CKAP5: variants seen among roughly 807,000 people sequenced by gnomAD.
The protein encoded by CKAP5 is cytoskeleton-associated protein 5.
A neutral mutation model predicts 232.8 loss-of-function variants in CKAP5; 27 were observed. The ratio of observed to expected loss-of-function variants is 0.12; its 90% CI spans 0.09 to 0.16. The LOEUF (loss-of-function observed/expected upper bound fraction) is 0.16, where lower values mean the gene tolerates loss of function less well. CKAP5 is among the 10% of genes least tolerant of loss of function. The pLI, the probability that CKAP5 is intolerant of heterozygous loss-of-function variation, is 1.00. For synonymous variants in CKAP5, 785 were observed against 841.1 expected, an observed-to-expected ratio of 0.93 and a Z score of 1.16; for missense variants, 1,838 against 2,424.7, an observed-to-expected ratio of 0.76 and a Z score of 5.08.
intron 4 of CKAP5, among the ~76,000 whole-genome samples, chr11:46,814,710 C>T (rs572248196): frequency 9.2e-5 from 14 of 152,274 alleles, no homozygotes; most frequent in Admixed American, 2.0e-4. Flanking sequence ...GAAAGAGATC[C>T]TATTCATGAA....
At chr11:46,787,358 G>A (rs1180449010) in intron 16 of CKAP5, among the ~76,000 whole-genome samples, 1 of 152,162 alleles carries the variant, frequency 6.6e-6, no homozygotes, top group Non-Finnish European at 1.5e-5. Context: ...CTAGCAGGAT[G>A]CCAATAATAA....
At chr11:46,801,066 A>C (rs1016896494) in intron 9 of CKAP5, 134 bp downstream of exon 9, 3 of 561,954 alleles carry the variant, frequency 5.3e-6, no homozygotes, top group Non-Finnish European at 9.6e-6. Flanking sequence ...GAATATTAAC[A>C]AAACAGAGAG....
At chr11:46,798,027 A>G in intron 10 of CKAP5, 56 bp downstream of exon 10, 1 of 1,604,682 alleles carries the variant, frequency 6.2e-7, no homozygotes, top group Non-Finnish European at 8.5e-7. Flanking sequence ...CAATCAAAAT[A>G]TTATATTTAC....
intron 37 of CKAP5, 127 bp downstream of exon 37, chr11:46,753,183 A>T: frequency 1.5e-6 from 1 of 675,166 alleles, no homozygotes; most frequent in East Asian, 2.8e-5. Flanking sequence ...TATAACTTTA[A>T]GTGTGCCTAG....
At chr11:46,840,778 C>T (rs1436356470) in intron 1 of CKAP5, among the ~76,000 whole-genome samples, 1 of 152,058 alleles carries the variant, frequency 6.6e-6, no homozygotes, top group African/African-American at 2.4e-5. Flanking sequence ...TTCCTGAGTT[C>T]TATGAACAGG....
In CKAP5 at chr11:46,773,680, C is replaced by T. The variant is rs192412864; in HGVS notation, c.2991+2575G>A. Among the ~76,000 whole-genome samples the T allele has an allele frequency of 2.8e-3, 420 of 151,840 alleles. 2 individuals carry two copies. The highest frequency in any genetic ancestry group is 9.6e-3 in the African/African-American group (398 of 41,392). On this transcript the variant is annotated intron_variant, in intron 24 of 43. Transcript: ENST00000529230. The stretch of plus-strand genomic sequence containing the variant: ...GCCTCAGCCTCCCGAGTAGCTAGGA[C>T]TATAGGCCCGCACCACCACACCCAG...
intron 42 of CKAP5, among the ~76,000 whole-genome samples, chr11:46,749,500 A>C (rs2065046832): frequency 6.6e-6 from 1 of 151,054 alleles, no homozygotes; most frequent in Non-Finnish European, 1.5e-5. Flanking sequence ...ACCCAGGTGG[A>C]GATATCATGT....
In CKAP5 at chr11:46,834,971, ATT is replaced by A. The variant is rs113526136; in HGVS notation, c.-38+11247_-38+11248del. Among the ~76,000 whole-genome samples, 66 of 146,938 alleles carry A rather than the reference ATT, an allele frequency of 4.5e-4. 1 individual carries two copies. The highest frequency in any genetic ancestry group is 2.5e-3 in the Admixed American group (37 of 14,732). On this transcript the variant is annotated intron_variant, in intron 1 of 43. Coordinates refer to ENST00000529230, the MANE Select transcript of CKAP5 (RefSeq NM_001008938.4). ...AGGCATGCACCACCACTCCCAGCTA[ATT>A]TTTTTTTTTTTTCCTAGATATGAGG...
chr11:46,796,749 A>C, intron 12 of CKAP5, 63 bp downstream of exon 12: 1 of 1,587,666 alleles, frequency 6.3e-7, no homozygotes, highest in Non-Finnish European at 8.6e-7. Context: ...GTCAAGAGAC[A>C]AAGCCATGAT....
chr11:46,783,406 G>C, intron 17 of CKAP5, 38 bp from the exon 18 acceptor site: 1 of 1,262,872 alleles, frequency 7.9e-7, no homozygotes, highest in South Asian at 1.2e-5. Context: ...GTTTTATCTC[G>C]TATTTCTTAT....
chr11:46,776,075 C>G (rs1398675931), intron 24 of CKAP5, among the ~76,000 whole-genome samples, 180 bp downstream of exon 24: 2 of 152,028 alleles, frequency 1.3e-5, no homozygotes, highest in Admixed American at 1.3e-4. Flanking sequence ...GATAAAGAAG[C>G]ATGTGAAAGG....
intron 13 of CKAP5, 117 bp from the exon 14 acceptor site, chr11:46,790,700 C>T: frequency 1.5e-6 from 1 of 671,518 alleles, no homozygotes; most frequent in Non-Finnish European, 2.5e-6. Flanking sequence ...TGGAATGCAG[C>T]TGCACAAGCT....
At chr11:46,784,166 C>G (rs902167588) in intron 17 of CKAP5, among the ~76,000 whole-genome samples, 4 of 151,690 alleles carry the variant, frequency 2.6e-5, no homozygotes, top group African/African-American at 7.3e-5. Context: ...GTCAGGAGTT[C>G]GAGACAAGCC....
chr11:46,796,188 A>T (rs879318089), intron 12 of CKAP5, among the ~76,000 whole-genome samples: 79 of 143,252 alleles, frequency 5.5e-4, no homozygotes, highest in Admixed American at 1.1e-3. Flanking sequence ...AAAAAAAAAA[A>T]TTTTCAGAGA....
In CKAP5 at chr11:46,751,430, C is replaced by G. The variant is rs774998766; in HGVS notation, c.5238G>C (p.Glu1746Asp). Residue 1746 changes from glutamate (E) to aspartate (D), a missense_variant, in exon 39 of 44, where the codon GAG (glutamate) becomes GAC (aspartate). Coordinates refer to ENST00000529230, the MANE Select transcript of CKAP5 (RefSeq NM_001008938.4). ...ATTCACTTTTGCATTGCTTCAGTTT[C>G]TCTTTGGGGAAGACCTTCATGAAAA... ...IHIFMKVFPK[E>D]KLKQCKSEFP... 2.0e-5 allele frequency: 32 copies of G among 1,613,938 alleles called. No individual in the cohort carries two copies. The East Asian group carries it at 6.7e-4, about 34-fold the overall frequency.
At chr11:46,765,856 C>G (rs4453193) in intron 27 of CKAP5, among the ~76,000 whole-genome samples, 21,146 of 152,084 alleles carry the variant, frequency 0.14, 2,467 homozygotes, top group East Asian at 0.6. Context: ...CCACCCACCT[C>G]AGCCATTAAT....
At chr11:46,784,715 G>T in intron 16 of CKAP5, 42 bp from the exon 17 acceptor site, 1 of 1,476,654 alleles carries the variant, frequency 6.8e-7, no homozygotes, top group Non-Finnish European at 9.4e-7. Context: ...GCAAGCCAAG[G>T]ACATTTATTT....
intron 9 of CKAP5, among the ~76,000 whole-genome samples, chr11:46,798,467 C>T (rs1938945772): frequency 6.6e-6 from 1 of 151,644 alleles, no homozygotes; most frequent in Non-Finnish European, 1.5e-5. Flanking sequence ...ATGATCCCAG[C>T]TACTTGGGAG....
At chr11:46,771,094 A>G (rs1021720451) in intron 24 of CKAP5, 112 bp from the exon 25 acceptor site, 2 of 804,490 alleles carry the variant, frequency 2.5e-6, no homozygotes, top group South Asian at 4.5e-5. Flanking sequence ...CTTTCACACT[A>G]TAACTTTCCA....
Sources: allele counts gnomAD v4.1 joint callset (sites outside exome capture counted in the v4.1 genomes callset), GRCh38; gene constraint gnomAD v4.1.1; transcripts MANE v1.5; gene names NCBI Gene and HGNC (gene_info 2026-07-23, HGNC 2026-07-21).